Variants in ICA1 observed in about 807,000 individuals in gnomAD.
The protein encoded by ICA1 is islet cell autoantigen 1.
Under a neutral mutation model 71.0 loss-of-function variants are expected in ICA1, and 40 were observed. The observed-to-expected ratio is 0.56, with a 90% confidence interval of 0.44 to 0.73. The LOEUF (loss-of-function observed/expected upper bound fraction) is 0.73. Among genes scored for constraint, ICA1 ranks in the 30% least tolerant of loss-of-function variants. ICA1 has a pLI of 0.00. For synonymous variants in ICA1, 207 were observed against 209.5 expected (o/e 0.99, Z 0.10); for missense variants, 578 against 576.5 (o/e 1.00, Z -0.03).
intron 1 of ICA1, among the ~76,000 whole-genome samples, chr7:8,250,286 A>G (rs1187499538): frequency 6.6e-6 from 1 of 152,184 alleles, no homozygotes; most frequent in Admixed American, 6.5e-5. Flanking sequence ...TTTCAGTAGA[A>G]GCAGTGAAAA....
intron 1 of ICA1, among the ~76,000 whole-genome samples, chr7:8,247,439 G>C (rs368501570): frequency 9.9e-5 from 15 of 152,060 alleles, no homozygotes; most frequent in African/African-American, 3.1e-4. Flanking sequence ...CAGCCTGGGT[G>C]ACAGAGTGAG....
At chr7:8,141,706 T>C in intron 10 of ICA1, 59 bp downstream of exon 10, 1 of 1,063,024 alleles carries the variant, frequency 9.4e-7, no homozygotes, top group South Asian at 1.4e-5. Context: ...TAAAATGACT[T>C]GGCTGTTAAG....
chr7:8,159,927 C>T (rs1354941350), intron 6 of ICA1, among the ~76,000 whole-genome samples: 1 of 151,946 alleles, frequency 6.6e-6, no homozygotes, highest in Non-Finnish European at 1.5e-5. Context: ...TATCTCAGAT[C>T]ATCGTAAAGT....
At chr7:8,233,450 G>A (rs545847432) in intron 2 of ICA1, among the ~76,000 whole-genome samples, 1 of 150,748 alleles carries the variant, frequency 6.6e-6, no homozygotes, top group African/African-American at 2.4e-5. Context: ...CTGGAGTGCA[G>A]TGGCGTGATC....
At chr7:8,145,431 C>T (rs1164251243) in intron 8 of ICA1, among the ~76,000 whole-genome samples, 1 of 152,114 alleles carries the variant, frequency 6.6e-6, no homozygotes. Context: ...TGTTTATCCT[C>T]ATTAATCCTA....
chr7:8,235,213 T>A (rs531893363), intron 2 of ICA1, among the ~76,000 whole-genome samples: 1 of 152,210 alleles, frequency 6.6e-6, no homozygotes, highest in South Asian at 2.1e-4. Context: ...GAAAAATATG[T>A]AACACATTTG....
chr7:8,179,808 G>A (rs1781667371), intron 6 of ICA1, among the ~76,000 whole-genome samples: 1 of 152,002 alleles, frequency 6.6e-6, no homozygotes, highest in African/African-American at 2.4e-5. Context: ...TTAGGGCTGG[G>A]AGATATATGT....
chr7:8,221,593 G>A (rs930671690), intron 4 of ICA1, among the ~76,000 whole-genome samples, 195 bp from the exon 5 acceptor site: 2 of 152,108 alleles, frequency 1.3e-5, no homozygotes, highest in African/African-American at 2.4e-5. Flanking sequence ...TTTACAATAC[G>A]AGAGATCAAA....
intron 6 of ICA1, among the ~76,000 whole-genome samples, chr7:8,169,927 T>TGTGTGTGTGTGTGTG (rs1562810946): frequency 2.0e-5 from 3 of 151,408 alleles, no homozygotes; most frequent in South Asian, 2.1e-4. Context: ...TGTGTGTGTG[T>TGTGTGTGTGTGTGTG]TTTAATGCCT....
Position 8,135,558 on chromosome 7 carries a change from T to C in ICA1, c.1060+3282A>G, listed in dbSNP as rs74456674. 1.1e-4 allele frequency among the ~76,000 whole-genome samples: 16 copies of C among 152,292 alleles called. No individual in the cohort carries two copies. The East Asian group carries it at 2.5e-3, about 24-fold the overall frequency. On this transcript the variant is annotated intron_variant, in intron 12 of 13. Transcript: ENST00000402384. ...AAGCAGTCAGATCCCTAGTCAGTAA[T>C]ATATGGACAACTGCAGGAGACAATT...
chr7:8,115,448 C>A (rs1311432675), intron 13 of ICA1, among the ~76,000 whole-genome samples: 1 of 152,162 alleles, frequency 6.6e-6, no homozygotes, highest in African/African-American at 2.4e-5. Context: ...ATCTTAAAGA[C>A]GACTCTAGTG....
intron 1 of ICA1, among the ~76,000 whole-genome samples, chr7:8,238,083 C>G (rs1172777599): frequency 6.6e-6 from 1 of 152,108 alleles, no homozygotes; most frequent in African/African-American, 2.4e-5. Flanking sequence ...GTTGCAGTTT[C>G]CAAGAACTAT....
chr7:8,262,016 T>G (rs1812687316), intron 1 of ICA1, 78 bp downstream of exon 1: 1 of 152,098 alleles, frequency 6.6e-6, no homozygotes. Context: ...TCCCCGACCG[T>G]CCCGGCTGCC....
intron 6 of ICA1, among the ~76,000 whole-genome samples, chr7:8,198,627 G>C (rs1788497965): frequency 6.6e-6 from 1 of 152,212 alleles, no homozygotes; most frequent in African/African-American, 2.4e-5. Context: ...CAAGAGCCGA[G>C]ATGACAGACT....
intron 13 of ICA1, among the ~76,000 whole-genome samples, chr7:8,121,994 A>G (rs1340326018): frequency 6.6e-6 from 1 of 152,206 alleles, no homozygotes; most frequent in Non-Finnish European, 1.5e-5. Context: ...GGGAGCAGAA[A>G]CACCCTGACT....
At chr7:8,212,573 CAAAACAAAA>C (rs1357059372) in intron 6 of ICA1, among the ~76,000 whole-genome samples, 1 of 152,098 alleles carries the variant, frequency 6.6e-6, no homozygotes, top group African/African-American at 2.4e-5. Context: ...TCAAAACAAA[CAAAACAAAA>C]CGAAAAACTA....
At chr7:8,124,764 C>T (rs773112714) in intron 13 of ICA1, among the ~76,000 whole-genome samples, 20 of 150,632 alleles carry the variant, frequency 1.3e-4, no homozygotes, top group African/African-American at 4.9e-4. Context: ...GGAAATAGTA[C>T]AGTAGTTACA....
chr7:8,143,750 C>G, intron 9 of ICA1, 125 bp downstream of exon 9: 1 of 646,352 alleles, frequency 1.5e-6, no homozygotes, highest in Non-Finnish European at 2.8e-6. Flanking sequence ...GCTAATACAT[C>G]TACTCTGAGA....
chr7:8,148,685 G>A (rs547940490), intron 8 of ICA1, among the ~76,000 whole-genome samples: 22 of 152,204 alleles, frequency 1.4e-4, no homozygotes, highest in Admixed American at 4.6e-4. Flanking sequence ...TCAATTTCAG[G>A]ACATTTTCAA....
Sources: gnomAD v4.1 joint callset for allele counts (sites outside exome capture counted in the v4.1 genomes callset) on GRCh38, gnomAD v4.1.1 for gene constraint, MANE v1.5 for transcripts, NCBI Gene and HGNC (gene_info 2026-07-23, HGNC 2026-07-21) for gene names.